TRIM36: variants seen among roughly 807,000 people sequenced by gnomAD.
TRIM36 encodes E3 ubiquitin-protein ligase TRIM36.
TRIM36 carries 42 observed loss-of-function variants against 72.4 expected under a neutral mutation model. The ratio of observed to expected loss-of-function variants is 0.58; its 90% CI spans 0.45 to 0.75. The LOEUF is 0.75. TRIM36 is among the 30% of genes least tolerant of loss of function. The pLI, the probability that TRIM36 is intolerant of heterozygous loss-of-function variation, is 0.00. For missense variants in TRIM36, 913 were observed against 857.1 expected (o/e 1.07, Z -0.81); for synonymous variants, 315 against 282.8 (o/e 1.11, Z -1.14).
chr5:115,130,465 C>A (rs1580636759), intron 9 of TRIM36, 127 bp downstream of exon 9: 2 of 1,090,438 alleles, frequency 1.8e-6, no homozygotes, highest in South Asian at 1.8e-5. Context: ...TTTTCTCAAT[C>A]AAGCCACAGC....
intron 2 of TRIM36, among the ~76,000 whole-genome samples, chr5:115,152,768 T>A (rs1196571985): frequency 6.6e-6 from 1 of 152,122 alleles, no homozygotes; most frequent in Non-Finnish European, 1.5e-5. Context: ...AAACTAAGCT[T>A]CACTTGTGAA....
chr5:115,151,355 C>A (rs1043141708), intron 2 of TRIM36, among the ~76,000 whole-genome samples: 2 of 152,220 alleles, frequency 1.3e-5, no homozygotes, highest in Admixed American at 6.5e-5. Flanking sequence ...ATCCCCCAAT[C>A]CCCGCAGCAG....
chr5:115,153,090 A>G (rs953715636), intron 2 of TRIM36, among the ~76,000 whole-genome samples: 2 of 152,206 alleles, frequency 1.3e-5, no homozygotes, highest in African/African-American at 4.8e-5. Flanking sequence ...AAGACAAAGA[A>G]TTGCAGAATA....
chr5:115,167,342 T>C (rs1200825060), intron 1 of TRIM36, among the ~76,000 whole-genome samples: 1 of 152,210 alleles, frequency 6.6e-6, no homozygotes, highest in African/African-American at 2.4e-5. Flanking sequence ...TTACCCATAG[T>C]CTTGGCAATT....
intron 2 of TRIM36, among the ~76,000 whole-genome samples, 163 bp downstream of exon 2, chr5:115,163,354 AT>A (rs1754587218): frequency 6.6e-6 from 1 of 152,322 alleles, no homozygotes; most frequent in African/African-American, 2.4e-5. Context: ...TCATTTTGAC[AT>A]TTTAACAGTG....
intron 9 of TRIM36, among the ~76,000 whole-genome samples, chr5:115,129,050 ATACT>A (rs1254261120): frequency 6.6e-6 from 1 of 152,116 alleles, no homozygotes; most frequent in Non-Finnish European, 1.5e-5. Context: ...AGATACACAA[ATACT>A]TACTGTTGCA....
At position 115,125,701 on chromosome 5, in the gene TRIM36, C is replaced by A. The variant is rs1752333085; in HGVS notation, c.*802G>T. The A allele has an allele frequency of 6.6e-6, 1 of 151,858 alleles. No homozygotes were observed. Among genetic ancestry groups the A allele is most frequent in the East Asian group, 1.9e-4 (1 of 5,190 alleles). 9.4% of individuals were successfully genotyped at this position (151,858 alleles called of 1,614,324 possible). On this transcript the variant is annotated 3_prime_UTR_variant, in exon 10 of 10. Transcript: ENST00000513154. ...GAAAAATAATTCTTTGACATAAGAA[C>A]AAATATTTTCACAGAATAAGAAAAA...
intron 2 of TRIM36, among the ~76,000 whole-genome samples, chr5:115,158,597 T>C (rs906930959): frequency 6.6e-6 from 1 of 152,222 alleles, no homozygotes; most frequent in African/African-American, 2.4e-5. Flanking sequence ...CTTTTGCTGT[T>C]TGGCAGTGGC....
chr5:115,153,027 C>G (rs1188213305), intron 2 of TRIM36, among the ~76,000 whole-genome samples: 1 of 151,916 alleles, frequency 6.6e-6, no homozygotes, highest in Non-Finnish European at 1.5e-5. Flanking sequence ...GAAATGGTAC[C>G]TCATATCTCA....
chr5:115,129,990 T>G (rs1752587910), intron 9 of TRIM36, among the ~76,000 whole-genome samples: 1 of 152,210 alleles, frequency 6.6e-6, no homozygotes, highest in South Asian at 2.1e-4. Flanking sequence ...TTATATAAAT[T>G]TTTTATCTTT....
chr5:115,157,345 C>A (rs1368075271), intron 2 of TRIM36, among the ~76,000 whole-genome samples: 1 of 152,052 alleles, frequency 6.6e-6, no homozygotes, highest in African/African-American at 2.4e-5. Flanking sequence ...GGTGGATCAC[C>A]TGAGGTCAAC....
intron 5 of TRIM36, among the ~76,000 whole-genome samples, chr5:115,138,451 A>G (rs916724439): frequency 1.3e-5 from 2 of 152,218 alleles, no homozygotes; most frequent in African/African-American, 4.8e-5. Context: ...TTACTAAGAT[A>G]TAAAAATAAA....
chr5:115,175,453 G>A (rs759645951), intron 1 of TRIM36, among the ~76,000 whole-genome samples: 80 of 152,066 alleles, frequency 5.3e-4, no homozygotes, highest in Non-Finnish European at 8.5e-4. Context: ...CTCCACCTCC[G>A]CCCATAGATT....
At chr5:115,141,808 T>C (rs919196516) in intron 4 of TRIM36, among the ~76,000 whole-genome samples, 1 of 151,706 alleles carries the variant, frequency 6.6e-6, no homozygotes, top group Non-Finnish European at 1.5e-5. Context: ...ACAATAGGAG[T>C]AGCAACAAAG....
chr5:115,159,962 A>G (rs1300713190), intron 2 of TRIM36, among the ~76,000 whole-genome samples: 1 of 152,122 alleles, frequency 6.6e-6, no homozygotes, highest in Admixed American at 6.6e-5. Context: ...TGTTGCAAAT[A>G]CAAAGTGAAA....
intron 3 of TRIM36, 68 bp downstream of exon 3, chr5:115,146,995 GTAACAT>G (rs1561432065): frequency 1.5e-6 from 2 of 1,296,498 alleles, no homozygotes; most frequent in African/African-American, 3.0e-5. Context: ...AATTTATTTC[GTAACAT>G]TAAGTACATA....
chr5:115,143,648 T>C (rs1215090854), intron 4 of TRIM36, among the ~76,000 whole-genome samples: 1 of 149,400 alleles, frequency 6.7e-6, no homozygotes, highest in Non-Finnish European at 1.5e-5. Context: ...TTTGCATATA[T>C]GCAATTAGAC....
intron 2 of TRIM36, among the ~76,000 whole-genome samples, chr5:115,149,825 C>T (rs1753793483): frequency 6.6e-6 from 1 of 152,044 alleles, no homozygotes; most frequent in Admixed American, 6.6e-5. Flanking sequence ...GTGGCGCGAT[C>T]TCGGCTCACT....
chr5:115,137,738 T>A, intron 5 of TRIM36, 122 bp from the exon 6 acceptor site: 2 of 1,149,636 alleles, frequency 1.7e-6, no homozygotes, highest in Non-Finnish European at 1.2e-6. Flanking sequence ...ATGACAGCAT[T>A]ATCAAAATTT....
Sources: gnomAD v4.1 joint callset for allele counts (sites outside exome capture counted in the v4.1 genomes callset) on GRCh38, gnomAD v4.1.1 for gene constraint, MANE v1.5 for transcripts, NCBI Gene and HGNC (gene_info 2026-07-23, HGNC 2026-07-21) for gene names.